The following GOLGB1 variants were observed in gnomAD, a reference collection of about 807,000 sequenced individuals.
GOLGB1 encodes the protein golgin subfamily B member 1.
GOLGB1 carries 174 observed loss-of-function variants against 336.9 expected under a neutral mutation model. The ratio of observed to expected loss-of-function variants is 0.52; its 90% CI spans 0.46 to 0.59. The LOEUF is 0.59. Ranked by LOEUF, GOLGB1 falls within the 20% of genes least tolerant of loss-of-function variation. The pLI, the probability that GOLGB1 is intolerant of heterozygous loss-of-function variation, is 0.00. For synonymous variants in GOLGB1, 1,208 were observed against 1,289.2 expected (o/e 0.94, Z 1.35); for missense variants, 3,331 against 3,645.3 (o/e 0.91, Z 2.22).
chr3:121,734,624 C>A (rs1946359569), intron 1 of GOLGB1, among the ~76,000 whole-genome samples: 1 of 152,072 alleles, frequency 6.6e-6, no homozygotes, highest in African/African-American at 2.4e-5. Context: ...GTTAATCTGG[C>A]ATTAGGAAAA....
intron 3 of GOLGB1, 62 bp downstream of exon 3, chr3:121,729,803 T>A (rs543135599): frequency 2.5e-6 from 3 of 1,208,976 alleles, no homozygotes; most frequent in Non-Finnish European, 3.6e-6. Context: ...AAAATTAAAG[T>A]GAGTAGTGTA....
chr3:121,684,141 A>AAAAAAAAAAAAAAAAAAAAAAAAAAAAG (rs1941448416), intron 14 of GOLGB1, among the ~76,000 whole-genome samples: 1 of 148,562 alleles, frequency 6.7e-6, no homozygotes, highest in Non-Finnish European at 1.5e-5. Context: ...AAAAAAAAAA[A>AAAAAAAAAAAAAAAAAAAAAAAAAAAAG]AAAAAAAAAA....
chr3:121,689,021 G>T (rs1298411566), intron 14 of GOLGB1, among the ~76,000 whole-genome samples: 2 of 150,648 alleles, frequency 1.3e-5, no homozygotes, highest in East Asian at 2.0e-4. Flanking sequence ...AGGTGGGGGG[G>T]TCAGCCCCCC....
chr3:121,746,343 T>C (rs553735912), intron 1 of GOLGB1, among the ~76,000 whole-genome samples: 3 of 152,354 alleles, frequency 2.0e-5, no homozygotes, highest in South Asian at 2.1e-4. Flanking sequence ...AAGCCACTAT[T>C]TTAATTAAAT....
intron 5 of GOLGB1, among the ~76,000 whole-genome samples, chr3:121,723,027 C>T (rs1022083843): frequency 1.1e-4 from 16 of 151,740 alleles, no homozygotes; most frequent in South Asian, 1.0e-3. Flanking sequence ...GAAGAAACTG[C>T]GAGGAGTGAA....
chr3:121,678,888 A>G (rs1391791988), intron 15 of GOLGB1, among the ~76,000 whole-genome samples: 1 of 152,200 alleles, frequency 6.6e-6, no homozygotes, highest in African/African-American at 2.4e-5. Flanking sequence ...AACCATCTTA[A>G]GTTAAACAGT....
Position 121,692,085 on chromosome 3 carries a change from C to T in GOLGB1, c.7279G>A (p.Glu2427Lys). Residue 2427 changes from glutamate to lysine, a missense_variant, in exon 14 of 22, where the codon GAG becomes AAG. By Grantham distance (56) the Glu-to-Lys change is moderately conservative. Coordinates refer to ENST00000614479, the MANE Select transcript of GOLGB1 (RefSeq NM_001366282.2). ...ELENLLSQEEEENIVLEEENK... is the reference protein window; with the variant it reads ...ELENLLSQEEKENIVLEEENK... ...TCCTCTTCTAAAACAATATTCTCCT[C>T]TTCCTCCTGGGACAGCAGGTTTTCC... 6.2e-7 allele frequency: 1 copy of T among 1,613,754 alleles called. No individual in the cohort carries two copies. The highest frequency in any genetic ancestry group is 8.5e-7 in the Non-Finnish European group (1 of 1,179,836).
At chr3:121,676,583 G>A (rs976658791) in intron 17 of GOLGB1, among the ~76,000 whole-genome samples, 3 of 152,162 alleles carry the variant, frequency 2.0e-5, no homozygotes, top group Admixed American at 2.0e-4. Context: ...AAGAGGGTGG[G>A]GTAGGGAGTA....
chr3:121,738,756 G>A (rs1415201960), intron 1 of GOLGB1, among the ~76,000 whole-genome samples: 1 of 152,136 alleles, frequency 6.6e-6, no homozygotes, highest in African/African-American at 2.4e-5. Flanking sequence ...AATCTGCTGA[G>A]AGGAGAATTA....
At position 121,692,166 on chromosome 3, in the gene GOLGB1, T is replaced by A; in HGVS notation, c.7198A>T (p.Ile2400Phe). The change falls in exon 14 of 22, where the codon ATC becomes TTC. Residue 2400 changes from isoleucine to phenylalanine, a missense_variant. By Grantham distance (21) the Ile-to-Phe change is conservative (BLOSUM62 0). Coordinates refer to ENST00000614479, the MANE Select transcript of GOLGB1 (RefSeq NM_001366282.2). ...ISLLSGKEEA[I>F]QVAIAELRQQ... is the part of the protein sequence containing the mutation. ...CGCAGTTCAGCAATAGCTACTTGGATTGCCTCTTCCTTGCCAGAAAGCAGG... is the reference window on the plus strand; with the variant it reads ...CGCAGTTCAGCAATAGCTACTTGGAATGCCTCTTCCTTGCCAGAAAGCAGG... 1 of 1,606,850 alleles carries A rather than the reference T, an allele frequency of 6.2e-7. No individual in the cohort carries two copies.
In GOLGB1 at chr3:121,695,105, G is replaced by A. The variant is rs767202922; in HGVS notation, c.5418C>T (p.Asp1806=). ...QSIPGETEEQ[D]SLSMSTRPTC... is the part of the protein sequence containing the mutation. ...TAGGTCTTGTGCTCATACTCAGAGA[G>A]TCTTGCTCTTCAGTCTCACCTGGTA... is the stretch of plus-strand genomic sequence containing the variant. The change falls in exon 13 of 22, where the codon GAC becomes GAT. Residue 1806 remains aspartate (D), a synonymous_variant. Coordinates refer to ENST00000614479, the MANE Select transcript of GOLGB1 (RefSeq NM_001366282.2). 2 of 1,613,746 alleles carry A rather than the reference G, an allele frequency of 1.2e-6. No individual in the cohort carries two copies. The highest frequency in any genetic ancestry group is 8.5e-7 in the Non-Finnish European group (1 of 1,179,972).
Position 121,722,273 on chromosome 3 carries a change from G to A in GOLGB1, c.637C>T (p.Gln213Ter). ...QAQLSQTQAE[Q>*]AAQLSSMQQV... ...TGTGAGGTCCCTACCTGTGCAGCTT[G>A]CTCTGCCTGTGTCTGGCTGAGCTGG... Residue 213 changes from glutamine (Q) to a stop codon, truncating the protein, a stop_gained, in exon 6 of 22, where the codon CAA becomes TAA. Transcript: ENST00000614479. LOFTEE classifies it high-confidence loss of function. 1 of 1,596,938 alleles carries A rather than the reference G, an allele frequency of 6.3e-7. No homozygotes were observed. Among genetic ancestry groups the A allele is most frequent in the Non-Finnish European group, 8.6e-7 (1 of 1,164,438 alleles).
intron 4 of GOLGB1, among the ~76,000 whole-genome samples, chr3:121,727,852 C>T (rs1945793541): frequency 6.6e-6 from 1 of 152,092 alleles, no homozygotes; most frequent in South Asian, 2.1e-4. Flanking sequence ...ACTATACTTT[C>T]CACAGAATAC....
chr3:121,722,585 T>A (rs966089280), intron 5 of GOLGB1, among the ~76,000 whole-genome samples: 1 of 152,092 alleles, frequency 6.6e-6, no homozygotes, highest in African/African-American at 2.4e-5. Context: ...TTTTTCAATT[T>A]CTCTGACTCC....
At position 121,683,053 on chromosome 3, in the gene GOLGB1, A is replaced by ATTTT. The variant is rs746649684; in HGVS notation, c.8695-1192_8695-1189dup. ...GCTGCTTAAGAAGCAATTTCTTTTA[A>ATTTT]TTTTTTTTTTTTTTTTTTTTTTTTT... is the stretch of plus-strand genomic sequence containing the variant. On this transcript the variant is annotated intron_variant, in intron 14 of 21. Transcript: ENST00000614479. Among the ~76,000 whole-genome samples, 98 of 82,498 alleles carry ATTTT rather than the reference A, an allele frequency of 1.2e-3. 5 individuals are homozygous for ATTTT. The highest frequency in any genetic ancestry group is 4.4e-3 in the African/African-American group (93 of 21,338). The allele number at this position is 82,498 out of a possible 152,430, so 54.1% of individuals were successfully genotyped here.
rs1210805994 is a variant in GOLGB1 at position 121,668,111 on chromosome 3, A to G, written c.9369T>C (p.Asn3123=). ...DVAPGAPQEK[N]GVHRKSDPEE... Reference sequence around the variant, plus strand: ...CAGGGTCACTCTTTCTGTGAACTCCATTCTTTTCCTGGGGAGCTCCTGGAG... The same window carrying G: ...CAGGGTCACTCTTTCTGTGAACTCCGTTCTTTTCCTGGGGAGCTCCTGGAG... The change falls in exon 19 of 22, where the codon AAT becomes AAC. Residue 3123 remains asparagine, a synonymous_variant. Coordinates refer to ENST00000614479, the MANE Select transcript of GOLGB1 (RefSeq NM_001366282.2). 1.9e-6 allele frequency: 3 copies of G among 1,609,702 alleles called. No homozygotes were observed. Among genetic ancestry groups the G allele is most frequent in the African/African-American group, 1.3e-5 (1 of 74,626 alleles).
chr3:121,698,521 A>G lies in GOLGB1; in HGVS notation c.2002T>C (p.Ser668Pro), dbSNP rs760049636. Residue 668 changes from serine to proline, a missense_variant, in exon 13 of 22, where the codon TCA (serine) becomes CCA (proline). Physicochemically the swap from Ser to Pro is moderately conservative, Grantham distance 74. Coordinates refer to ENST00000614479, the MANE Select transcript of GOLGB1 (RefSeq NM_001366282.2). ...SLNDAGVELK[S>P]TKQDGDKSLS... ...GATTTATCACCATCCTGCTTTGTTG[A>G]TTTCAATTCTACTCCAGCATCATTT... 2 of 1,613,666 alleles carry G rather than the reference A, an allele frequency of 1.2e-6. No homozygotes were observed. The highest frequency in any genetic ancestry group is 1.7e-6 in the Non-Finnish European group (2 of 1,179,716).
intron 6 of GOLGB1, among the ~76,000 whole-genome samples, chr3:121,721,976 A>T (rs1034058146): frequency 2.0e-5 from 3 of 152,198 alleles, no homozygotes; most frequent in African/African-American, 7.2e-5. Context: ...TATTAAAATT[A>T]AGTTTCTGGA....
chr3:121,688,763 A>G (rs1454216833), intron 14 of GOLGB1, among the ~76,000 whole-genome samples: 2 of 142,504 alleles, frequency 1.4e-5, no homozygotes, highest in Non-Finnish European at 3.0e-5. Context: ...CCGGCTGCCC[A>G]TCGTCTGAGA....
Sources: allele counts gnomAD v4.1 joint callset (sites outside exome capture counted in the v4.1 genomes callset), GRCh38; gene constraint gnomAD v4.1.1; transcripts MANE v1.5; gene names NCBI Gene and HGNC (gene_info 2026-07-23, HGNC 2026-07-21).